Variants in CSMD1 observed in about 807,000 individuals in gnomAD.
CSMD1 encodes the protein CUB and sushi domain-containing protein 1.
In CSMD1, 213 loss-of-function variants were observed where a neutral mutation model predicts 417.5. The observed-to-expected ratio is 0.51, with a 90% CI of 0.46 to 0.57. The LOEUF (loss-of-function observed/expected upper bound fraction) is 0.57, where lower values mean the gene tolerates loss of function less well. Among genes scored for constraint, CSMD1 ranks in the 20% least tolerant of loss-of-function variants. The pLI is 0.00. For missense variants in CSMD1, 6,923 were observed against 4,529.7 expected, an observed-to-expected ratio of 1.53 and a Z score of -15.17; for synonymous variants, 2,862 against 1,736.8, an observed-to-expected ratio of 1.65 and a Z score of -16.11.
chr8:4,116,215 A>C lies in CSMD1; in HGVS notation c.416-84116T>G, dbSNP rs548577222. 3.9e-5 allele frequency among the ~76,000 whole-genome samples: 6 copies of C among 152,100 alleles called. No individual in the cohort carries two copies. In the East Asian group the frequency reaches 1.2e-3, roughly 29 times the overall value. On this transcript the variant is annotated intron_variant, in intron 3 of 69. Coordinates refer to ENST00000635120, the MANE Select transcript of CSMD1 (RefSeq NM_033225.6). Reference sequence around the variant, plus strand: ...CCCCATGTTGGCCAGGCTGGTCCTGAACTCCTGACCTCAGGTGATCCACAA... The same window carrying C: ...CCCCATGTTGGCCAGGCTGGTCCTGCACTCCTGACCTCAGGTGATCCACAA...
intron 3 of CSMD1, among the ~76,000 whole-genome samples, chr8:4,411,560 T>G (rs1431990479): frequency 6.6e-6 from 1 of 152,222 alleles, no homozygotes; most frequent in African/African-American, 2.4e-5. Context: ...AATTAATTTT[T>G]TCTGTGCTCA....
intron 2 of CSMD1, among the ~76,000 whole-genome samples, chr8:4,455,467 G>T (rs914224378): frequency 1.3e-5 from 2 of 152,138 alleles, no homozygotes; most frequent in African/African-American, 4.8e-5. Context: ...CACCTTGCTT[G>T]ACAGCACATC....
intron 3 of CSMD1, among the ~76,000 whole-genome samples, chr8:4,090,210 A>G (rs1160208004): frequency 6.6e-6 from 1 of 152,194 alleles, no homozygotes; most frequent in Non-Finnish European, 1.5e-5. Context: ...TGATTGTCTT[A>G]AAAAGTATTT....
intron 3 of CSMD1, among the ~76,000 whole-genome samples, chr8:4,113,833 T>G (rs1285810421): frequency 1.3e-5 from 2 of 152,284 alleles, no homozygotes; most frequent in African/African-American, 4.8e-5. Flanking sequence ...CAAGGCCTAC[T>G]TCAGAGCAAG....
chr8:3,620,277 C>T (rs1802360102), intron 7 of CSMD1, among the ~76,000 whole-genome samples: 1 of 146,334 alleles, frequency 6.8e-6, no homozygotes, highest in East Asian at 1.9e-4. Flanking sequence ...ATGTTCCCTA[C>T]AAGAAAGTCC....
chr8:4,783,115 G>A (rs1018167064), intron 1 of CSMD1, among the ~76,000 whole-genome samples: 2 of 152,110 alleles, frequency 1.3e-5, no homozygotes, highest in Non-Finnish European at 2.9e-5. Flanking sequence ...TTCAATCACA[G>A]AGTTAACATG....
At chr8:3,082,815 G>C (rs892707429) in intron 49 of CSMD1, among the ~76,000 whole-genome samples, 1 of 152,116 alleles carries the variant, frequency 6.6e-6, no homozygotes, top group Non-Finnish European at 1.5e-5. Context: ...CTTTTATTTT[G>C]GACAGTGTGC....
chr8:2,994,458 G>A (rs144383144), intron 54 of CSMD1, among the ~76,000 whole-genome samples: 4 of 152,124 alleles, frequency 2.6e-5, no homozygotes, highest in African/African-American at 9.7e-5. Flanking sequence ...AACTCAGCCG[G>A]GGCAGTGGAA....
chr8:4,106,771 G>A (rs1432129277), intron 3 of CSMD1, among the ~76,000 whole-genome samples: 4 of 152,074 alleles, frequency 2.6e-5, no homozygotes, highest in African/African-American at 7.3e-5. Flanking sequence ...AGTGATCAGC[G>A]GCCACAGTGG....
intron 3 of CSMD1, among the ~76,000 whole-genome samples, chr8:4,170,594 T>C (rs1797715950): frequency 6.6e-6 from 1 of 151,920 alleles, no homozygotes; most frequent in African/African-American, 2.4e-5. Context: ...CACTTTCAAA[T>C]TCTGTTTCTA....
chr8:3,586,664 T>C (rs1310687483), intron 8 of CSMD1, among the ~76,000 whole-genome samples: 2 of 152,150 alleles, frequency 1.3e-5, no homozygotes, highest in Non-Finnish European at 2.9e-5. Flanking sequence ...AAACAAGAAG[T>C]AAAAAAGTCT....
chr8:4,480,798 G>C (rs970964884), intron 2 of CSMD1, among the ~76,000 whole-genome samples: 2 of 152,094 alleles, frequency 1.3e-5, no homozygotes, highest in Non-Finnish European at 2.9e-5. Context: ...AATTAATATT[G>C]AGCTGTGTTT....
At chr8:3,724,065 T>C (rs1407441421) in intron 6 of CSMD1, among the ~76,000 whole-genome samples, 2 of 55,158 alleles carry the variant, frequency 3.6e-5, no homozygotes, top group African/African-American at 6.9e-5. Flanking sequence ...ATTTTGTTCA[T>C]TGACTTCAAC....
At chr8:4,009,105 A>T (rs916318197) in intron 4 of CSMD1, among the ~76,000 whole-genome samples, 6 of 152,208 alleles carry the variant, frequency 3.9e-5, no homozygotes, top group Admixed American at 3.9e-4. Flanking sequence ...GCAGTTAAAA[A>T]ATGGTTGAAC....
At chr8:4,898,743 T>C (rs147587412) in intron 1 of CSMD1, among the ~76,000 whole-genome samples, 1 of 152,188 alleles carries the variant, frequency 6.6e-6, no homozygotes, top group African/African-American at 2.4e-5. Flanking sequence ...CTGACTTTCA[T>C]GTAAATTTAG....
chr8:4,533,885 A>G (rs185673759), intron 2 of CSMD1, among the ~76,000 whole-genome samples: 4 of 149,656 alleles, frequency 2.7e-5, no homozygotes, highest in Admixed American at 2.0e-4. Flanking sequence ...ATAAATAAAT[A>G]TATGTAATTC....
chr8:4,600,090 T>G (rs1800503378), intron 2 of CSMD1, among the ~76,000 whole-genome samples: 1 of 152,180 alleles, frequency 6.6e-6, no homozygotes, highest in Non-Finnish European at 1.5e-5. Context: ...GAGTTAGGAC[T>G]AGAGGGTGGC....
In CSMD1 at chr8:3,235,895, G is replaced by A. The variant is rs1799120369; in HGVS notation, c.4154-5664C>T. Among the ~76,000 whole-genome samples the A allele has an allele frequency of 2.0e-5, 3 of 148,960 alleles. No individual in the cohort carries two copies. In the South Asian group the frequency reaches 6.4e-4, roughly 32 times the overall value. Reference sequence around the variant, plus strand: ...ATCTACATAATTAGCTCGAGTTTATGCCAGTTATATGAAGATGTAAGTTTT... The same window carrying A: ...ATCTACATAATTAGCTCGAGTTTATACCAGTTATATGAAGATGTAAGTTTT... On this transcript the variant is annotated intron_variant, in intron 26 of 69. Coordinates refer to ENST00000635120, the MANE Select transcript of CSMD1 (RefSeq NM_033225.6).
chr8:3,800,898 A>G (rs1393523440), intron 5 of CSMD1, among the ~76,000 whole-genome samples: 1 of 152,124 alleles, frequency 6.6e-6, no homozygotes, highest in Non-Finnish European at 1.5e-5. Flanking sequence ...GCCCCCAACA[A>G]CCATGAGTGA....
Sources: gnomAD v4.1 joint callset for allele counts (sites outside exome capture counted in the v4.1 genomes callset) on GRCh38, gnomAD v4.1.1 for gene constraint, MANE v1.5 for transcripts, NCBI Gene and HGNC (gene_info 2026-07-23, HGNC 2026-07-21) for gene names.